The following PHLDB1 variants were observed in gnomAD, a reference collection of about 807,000 sequenced individuals.
PHLDB1 encodes pleckstrin homology like domain family B member 1, also known as pleckstrin homology-like domain family B member 1.
A neutral mutation model predicts 139.3 loss-of-function variants in PHLDB1; 65 were observed. The observed-to-expected ratio is 0.47, with a 90% CI of 0.38 to 0.57. The LOEUF is 0.57. PHLDB1 is among the 20% of genes least tolerant of loss of function. The pLI, the probability that PHLDB1 is intolerant of heterozygous loss-of-function variation, is 0.00. For synonymous variants in PHLDB1, 679 were observed against 734.5 expected (o/e 0.92, Z 1.22); for missense variants, 1,624 against 1,839.7 (o/e 0.88, Z 2.14).
intron 22 of PHLDB1, 22 bp from the exon 23 acceptor site, chr11:118,656,661 C>T (rs1949115233): frequency 1.9e-6 from 3 of 1,610,058 alleles, no homozygotes; most frequent in Non-Finnish European, 2.5e-6. Flanking sequence ...CCATCTTAGA[C>T]CTTCCTCTCT....
chr11:118,646,133 G>T (rs1035682175), intron 17 of PHLDB1, among the ~76,000 whole-genome samples: 1 of 151,956 alleles, frequency 6.6e-6, no homozygotes, highest in African/African-American at 2.4e-5. Flanking sequence ...GGTGGCAGGC[G>T]CCTGTAGTCC....
rs1591418409 is a variant in PHLDB1 at position 118,610,495 on chromosome 11, G to A, written c.-22+2796G>A. ...CTGGCCACAGCCATGCACCGCTTGG[G>A]CCGAGGCCGAGGCCGACCCCCAGGG... On this transcript the variant is annotated intron_variant, in intron 1 of 22. Transcript: ENST00000600882. The surrounding 1 kb of genome is among the most constrained non-coding windows in gnomAD (Gnocchi z 8.7). 1 of 948,004 alleles carries A rather than the reference G, an allele frequency of 1.1e-6. No individual in the cohort carries two copies. The highest frequency in any genetic ancestry group is 1.3e-6 in the Non-Finnish European group (1 of 795,786). The allele number at this position is 948,004 out of a possible 1,614,324, so 58.7% of individuals were successfully genotyped here.
intron 9 of PHLDB1, chr11:118,634,730 C>T (rs1342401886): frequency 3.3e-5 from 8 of 243,068 alleles, no homozygotes; most frequent in Non-Finnish European, 6.0e-5. Flanking sequence ...TTTCTTTCTC[C>T]TCGCCTGGTT....
rs781895128 is a variant in PHLDB1, at chr11:118,642,176, C to T, written c.2737-78C>T. The T allele has an allele frequency of 1.3e-5, 18 of 1,345,110 alleles. No individual in the cohort carries two copies. The Admixed American group carries it at 2.9e-4, about 21-fold the overall frequency. The allele number at this position is 1,345,110 out of a possible 1,614,324, so 83.3% of individuals were successfully genotyped here. The stretch of plus-strand genomic sequence containing the variant: ...TTCTTTCTCCCTTCTCCTGCCTTTT[C>T]CTTTCCCTTTATTTCCTGGCCTTTC... On this transcript the variant is annotated intron_variant, in intron 12 of 22. Transcript: ENST00000600882.
chr11:118,630,204 C>T, intron 6 of PHLDB1: 2 of 517,692 alleles, frequency 3.9e-6, no homozygotes, highest in South Asian at 3.3e-5. Context: ...GCCATGGAAG[C>T]CTCACAAACC....
At chr11:118,621,852 A>G (rs2135970170) in intron 4 of PHLDB1, among the ~76,000 whole-genome samples, 1 of 152,202 alleles carries the variant, frequency 6.6e-6, no homozygotes, top group Middle Eastern at 3.4e-3. Context: ...AGTCTACCTT[A>G]TGGCCAAGGA....
rs782120650 is a variant in PHLDB1 at position 118,645,338 on chromosome 11, C to T, written c.3122-18C>T. 1.3e-6 allele frequency: 2 copies of T among 1,508,338 alleles called. No homozygotes were observed. Among genetic ancestry groups the T allele is most frequent in the Non-Finnish European group, 1.8e-6 (2 of 1,128,484 alleles). 93.4% of individuals were successfully genotyped at this position (1,508,338 alleles called of 1,614,324 possible). ...TGCGTGGGGAGCCCACTGTGACTCC[C>T]ATCTGTCTCTCCTTCAGGACAACAA... On this transcript the variant is annotated intron_variant, in intron 15 of 22. Transcript: ENST00000600882. The surrounding 1 kb of genome is among the most constrained non-coding windows in gnomAD (Gnocchi z 5.1).
chr11:118,606,959 C>T (rs782532223), upstream of PHLDB1, among the ~76,000 whole-genome samples: 1 of 152,132 alleles, frequency 6.6e-6, no homozygotes, highest in Non-Finnish European at 1.5e-5. Context: ...TTGCATGACA[C>T]TTTAACGAGT....
At chr11:118,606,946 A>T (rs1939329359), upstream of PHLDB1, among the ~76,000 whole-genome samples, 1 of 151,928 alleles carries the variant, frequency 6.6e-6, no homozygotes, top group African/African-American at 2.4e-5. Flanking sequence ...TGTGCTTTGG[A>T]GTTTGCATGA....
chr11:118,631,681 C>T (rs548763640), intron 7 of PHLDB1, among the ~76,000 whole-genome samples: 1 of 152,302 alleles, frequency 6.6e-6, no homozygotes, highest in South Asian at 2.1e-4. Context: ...GCTTTATGAC[C>T]TGCCTTTCCA....
upstream of PHLDB1, chr11:118,607,560 G>A (rs868939063): frequency 1.5e-5 from 2 of 137,486 alleles, no homozygotes; most frequent in Non-Finnish European, 3.2e-5. Flanking sequence ...TGGCGGGAGG[G>A]GGGCGGGACA....
In PHLDB1 at chr11:118,650,261, G is replaced by C; in HGVS notation, c.3771+68G>C. 3.2e-6 allele frequency: 4 copies of C among 1,252,332 alleles called. No individual in the cohort carries two copies. Among genetic ancestry groups the C allele is most frequent in the Non-Finnish European group, 2.4e-6 (2 of 850,856 alleles). 77.6% of individuals were successfully genotyped at this position (1,252,332 alleles called of 1,614,324 possible). A position where few individuals can be genotyped will look rare whatever the true frequency, so the allele number is the denominator to read the frequency against. On this transcript the variant is annotated intron_variant, in intron 19 of 22. Coordinates refer to ENST00000600882, the MANE Select transcript of PHLDB1 (RefSeq NM_001144758.3). This position sits in a 1 kb window ranked among gnomAD's most constrained non-coding sequence, Gnocchi z 4.7. ...ATCCCGTGGTGAGAGGCACCTCCTGGGTCGTTGGAATAGTGGCGTCAGTCT... is the reference window on the plus strand; with the variant it reads ...ATCCCGTGGTGAGAGGCACCTCCTGCGTCGTTGGAATAGTGGCGTCAGTCT...
chr11:118,653,998 T>C (rs138588690), intron 20 of PHLDB1: 2 of 152,194 alleles, frequency 1.3e-5, no homozygotes, highest in African/African-American at 4.8e-5. Context: ...TTGGGACTCA[T>C]GCAGGGGAAG....
intron 18 of PHLDB1, among the ~76,000 whole-genome samples, chr11:118,649,871 C>T (rs768817270): frequency 2.6e-5 from 4 of 152,152 alleles, no homozygotes; most frequent in Non-Finnish European, 5.9e-5. Context: ...AGAGTGACTT[C>T]GCAGTTTGCC....
At chr11:118,644,794 C>A in intron 15 of PHLDB1, 1 of 720,660 alleles carries the variant, frequency 1.4e-6, no homozygotes, top group African/African-American at 1.8e-5. Flanking sequence ...CAGGCAGGGT[C>A]CCAGGCTGAG....
intron 12 of PHLDB1, chr11:118,641,118 C>G (rs1555119977): frequency 6.5e-6 from 1 of 153,026 alleles, no homozygotes; most frequent in Non-Finnish European, 1.5e-5. Flanking sequence ...TACTGGGCAC[C>G]CCAGGAATAT....
chr11:118,615,973 C>T lies in PHLDB1; in HGVS notation c.185-68C>T, dbSNP rs556984690. 22 of 1,329,112 alleles carry T rather than the reference C, an allele frequency of 1.7e-5. No homozygotes were observed. In the African/African-American group the frequency reaches 3.2e-4, roughly 19 times the overall value. 82.3% of individuals were successfully genotyped at this position (1,329,112 alleles called of 1,614,324 possible). ...GTGGAAATATGTTTCCACTGTGGCC[C>T]TCCTTGCCCTGTCACTGCCTCCTCA... On this transcript the variant is annotated intron_variant, in intron 3 of 22. Transcript: ENST00000600882.
rs1949120524 is a variant in PHLDB1, at chr11:118,656,692, C to A, written c.4003C>A (p.Pro1335Thr). The change falls in exon 23 of 23, where the codon CCA becomes ACA. Residue 1335 changes from proline (P) to threonine (T), a missense_variant. Coordinates refer to ENST00000600882, the MANE Select transcript of PHLDB1 (RefSeq NM_001144758.3). ...TCTCTTCCTTTGGCAGAGCCCGAAC[C>A]CAGCCCTCACCTTCTGCGTAAAGAC... Reference protein sequence around the residue: ...RFTMVTESPNPALTFCVKTHD... With the variant: ...RFTMVTESPNTALTFCVKTHD... 2.5e-6 allele frequency: 4 copies of A among 1,613,700 alleles called. No individual in the cohort carries two copies. The South Asian group carries it at 4.4e-5, about 18-fold the overall frequency.
intron 6 of PHLDB1, among the ~76,000 whole-genome samples, chr11:118,629,549 T>A (rs1944433234): frequency 6.6e-6 from 1 of 152,092 alleles, no homozygotes; most frequent in East Asian, 1.9e-4. Flanking sequence ...TGGGATTGGT[T>A]TGAGGAAGAG....
Sources: gnomAD v4.1 joint callset for allele counts (sites outside exome capture counted in the v4.1 genomes callset) on GRCh38, gnomAD v4.1.1 for gene constraint, Gnocchi (gnomAD v3.1) non-coding constraint, MANE v1.5 for transcripts, NCBI Gene and HGNC (gene_info 2026-07-23, HGNC 2026-07-21) for gene names.